The following SPAM1 variants were observed in gnomAD, a reference collection of about 807,000 sequenced individuals.
The protein encoded by SPAM1 is sperm adhesion molecule 1.
Under a neutral mutation model 29.6 loss-of-function variants are expected in SPAM1, and 22 were observed. The observed-to-expected ratio is 0.74, with a 90% CI of 0.53 to 1.06. SPAM1 has a LOEUF of 1.06. Among genes scored for constraint, SPAM1 ranks in the 50% least tolerant of loss-of-function variants. The pLI is 0.00. For missense variants in SPAM1, 534 were observed against 604.0 expected, an observed-to-expected ratio of 0.88 and a Z score of 1.21; for synonymous variants, 194 against 204.6, an observed-to-expected ratio of 0.95 and a Z score of 0.44.
At chr7:123,951,020 C>A (rs1808744903) in intron 2 of SPAM1, among the ~76,000 whole-genome samples, 1 of 152,164 alleles carries the variant, frequency 6.6e-6, no homozygotes, top group South Asian at 2.1e-4. Context: ...TGATGTTGAG[C>A]ATTTTCTCAT....
At chr7:123,956,170 A>G (rs1792244968) in intron 4 of SPAM1, among the ~76,000 whole-genome samples, 1 of 151,910 alleles carries the variant, frequency 6.6e-6, no homozygotes, top group Non-Finnish European at 1.5e-5. Flanking sequence ...AAATTCTACT[A>G]CTATGTCTCT....
intron 1 of SPAM1, among the ~76,000 whole-genome samples, chr7:123,937,616 AAG>A (rs1808298861): frequency 1.3e-5 from 2 of 151,322 alleles, no homozygotes; most frequent in Non-Finnish European, 2.9e-5. Flanking sequence ...AAAAAAAAAA[AAG>A]ACGCTTCATA....
At chr7:123,964,756 T>C (rs908206323), downstream of SPAM1, among the ~76,000 whole-genome samples, 3 of 152,020 alleles carry the variant, frequency 2.0e-5, no homozygotes, top group African/African-American at 4.8e-5. Flanking sequence ...TTTAATATAC[T>C]GTGCTTATCA....
intron 5 of SPAM1, among the ~76,000 whole-genome samples, chr7:123,969,170 T>C (rs2117082018): frequency 6.6e-6 from 1 of 152,172 alleles, no homozygotes; most frequent in South Asian, 2.1e-4. Context: ...TTGAGTTCCT[T>C]ATATATTCTG....
intron 4 of SPAM1, among the ~76,000 whole-genome samples, chr7:123,957,855 T>C (rs1281672217): frequency 6.6e-6 from 1 of 152,018 alleles, no homozygotes; most frequent in Non-Finnish European, 1.5e-5. Flanking sequence ...GGCCCTCTTC[T>C]TTCTTAAAGT....
At chr7:123,932,464 G>A (rs545688438) in intron 1 of SPAM1, 1 of 152,476 alleles carries the variant, frequency 6.6e-6, no homozygotes, top group East Asian at 1.9e-4. Flanking sequence ...GATGAATAAA[G>A]AGAACGTGAA....
At chr7:123,961,579 T>C (rs897468523), downstream of SPAM1, among the ~76,000 whole-genome samples, 1 of 151,982 alleles carries the variant, frequency 6.6e-6, no homozygotes, top group Non-Finnish European at 1.5e-5. Flanking sequence ...TTGATGGACA[T>C]TTAGACTGAC....
At position 123,953,502 on chromosome 7, in the gene SPAM1, G is replaced by T; in HGVS notation, c.-69G>T. 1.2e-6 allele frequency: 1 copy of T among 866,396 alleles called. No individual in the cohort carries two copies. Among genetic ancestry groups the T allele is most frequent in the Admixed American group, 2.7e-5 (1 of 36,624 alleles). 53.7% of individuals were successfully genotyped at this position (866,396 alleles called of 1,614,324 possible). A position where few individuals can be genotyped will look rare whatever the true frequency, so the allele number is the denominator to read the frequency against. On this transcript the variant is annotated 5_prime_UTR_variant, in exon 3 of 5. Transcript: ENST00000682466. Reference sequence around the variant, plus strand: ...TCCCTTTCATCTGTGCTCATACTTTGCATCAGATATTGGGTAAACCAAAGT... The same window carrying T: ...TCCCTTTCATCTGTGCTCATACTTTTCATCAGATATTGGGTAAACCAAAGT...
At chr7:123,946,394 T>C (rs113767452) in intron 1 of SPAM1, among the ~76,000 whole-genome samples, 109 of 152,336 alleles carry the variant, frequency 7.2e-4, no homozygotes, top group African/African-American at 2.4e-3. Context: ...GTTGGAGATC[T>C]GTCAAAGGTC....
At chr7:123,943,837 T>TCA (rs565208608) in intron 1 of SPAM1, among the ~76,000 whole-genome samples, 10 of 152,158 alleles carry the variant, frequency 6.6e-5, no homozygotes, top group Non-Finnish European at 1.5e-4. Context: ...CCTTTATCTT[T>TCA]GAGAGAGGAG....
chr7:123,963,267 G>A (rs144592924), downstream of SPAM1, among the ~76,000 whole-genome samples: 561 of 151,836 alleles, frequency 3.7e-3, 5 homozygotes, highest in Non-Finnish European at 5.5e-3. Context: ...CACCTGATAG[G>A]TGAAAATGAC....
At chr7:123,937,555 C>G (rs548304407) in intron 1 of SPAM1, among the ~76,000 whole-genome samples, 161 of 140,992 alleles carry the variant, frequency 1.1e-3, no homozygotes, top group African/African-American at 3.2e-3. Flanking sequence ...GAGCCGAGAT[C>G]GCGCCACTGC....
chr7:123,928,576 A>G (rs1807969522), intron 1 of SPAM1, among the ~76,000 whole-genome samples: 1 of 152,186 alleles, frequency 6.6e-6, no homozygotes, highest in Non-Finnish European at 1.5e-5. Context: ...TGGAATTCCA[A>G]CAGCTGAATA....
At position 123,968,495 on chromosome 7, in the gene SPAM1, C is replaced by T. The variant is rs547853279; in HGVS notation, c.1486-1703C>T. ...TCTGACACTAAGTTCCTTGTTAGGA[C>T]AATGTCATCGAGTCTTGAGAAAGGA... On this transcript the variant is annotated intron_variant, in intron 5 of 6. Coordinates refer to the SPAM1 transcript ENST00000340011. Among the ~76,000 whole-genome samples, 29 of 152,094 alleles carry T rather than the reference C, an allele frequency of 1.9e-4. No homozygotes were observed. The East Asian group carries it at 5.6e-3, about 30-fold the overall frequency.
intron 2 of SPAM1, among the ~76,000 whole-genome samples, chr7:123,952,790 A>G (rs983593923): frequency 7.9e-5 from 12 of 152,016 alleles, no homozygotes; most frequent in African/African-American, 2.7e-4. Context: ...GCAGCGTACC[A>G]AGGAGCCTTT....
intron 1 of SPAM1, among the ~76,000 whole-genome samples, chr7:123,939,209 C>T (rs1235368981): frequency 2.0e-5 from 3 of 151,924 alleles, no homozygotes; most frequent in African/African-American, 7.3e-5. Flanking sequence ...CCTCAGCCTC[C>T]CGAGTACCTG....
chr7:123,940,355 G>C (rs946933047), intron 1 of SPAM1, among the ~76,000 whole-genome samples: 2 of 151,950 alleles, frequency 1.3e-5, no homozygotes, highest in African/African-American at 4.8e-5. Context: ...AATAAGCTCT[G>C]AGACCTACAA....
intron 1 of SPAM1, among the ~76,000 whole-genome samples, chr7:123,947,050 T>C (rs1808597186): frequency 6.6e-6 from 1 of 152,198 alleles, no homozygotes; most frequent in Non-Finnish European, 1.5e-5. Context: ...CTTTGAAAAC[T>C]CATAAAAGTA....
intron 1 of SPAM1, among the ~76,000 whole-genome samples, chr7:123,931,428 T>A (rs1033949335): frequency 3.3e-5 from 5 of 152,184 alleles, no homozygotes; most frequent in Admixed American, 6.5e-5. Context: ...GAGGTTCCTG[T>A]CCCATACCTA....
Sources: allele counts gnomAD v4.1 joint callset (sites outside exome capture counted in the v4.1 genomes callset), GRCh38; gene constraint gnomAD v4.1.1; transcripts MANE v1.5; gene names NCBI Gene and HGNC (gene_info 2026-07-23, HGNC 2026-07-21).